The following CEP126 variants were observed in gnomAD, a reference collection of about 807,000 sequenced individuals.
The protein encoded by CEP126 is centrosomal protein of 126 kDa.
Under a neutral mutation model 107.8 loss-of-function variants are expected in CEP126, and 74 were observed. The observed-to-expected ratio is 0.69, with a 90% CI of 0.57 to 0.83. The LOEUF is 0.83. CEP126 is among the 40% of genes least tolerant of loss of function. The pLI, the probability that CEP126 is intolerant of heterozygous loss-of-function variation, is 0.00. For missense variants in CEP126, 1,237 were observed against 1,281.9 expected, an observed-to-expected ratio of 0.96 and a Z score of 0.53; for synonymous variants, 449 against 446.0, an observed-to-expected ratio of 1.01 and a Z score of -0.08.
At chr11:101,985,207 T>C (rs1243331299) in intron 8 of CEP126, among the ~76,000 whole-genome samples, 1 of 152,126 alleles carries the variant, frequency 6.6e-6, no homozygotes, top group East Asian at 1.9e-4. Context: ...CTTCATTTCA[T>C]GGACAAAATT....
intron 3 of CEP126, among the ~76,000 whole-genome samples, chr11:101,946,314 C>T (rs1940735530): frequency 6.6e-6 from 1 of 150,974 alleles, no homozygotes; most frequent in Non-Finnish European, 1.5e-5. Flanking sequence ...TCAAGACCAT[C>T]CTGGGCAACA....
In CEP126 at chr11:101,939,485, G is replaced by A. The variant is rs138149637; in HGVS notation, c.249-4780G>A. Among the ~76,000 whole-genome samples the A allele has an allele frequency of 2.6e-4, 39 of 152,184 alleles. No homozygotes were observed. The East Asian group carries it at 6.6e-3, about 26-fold the overall frequency. On this transcript the variant is annotated intron_variant, in intron 2 of 10. Coordinates refer to ENST00000263468, the MANE Select transcript of CEP126 (RefSeq NM_020802.4). Reference sequence around the variant, plus strand: ...TTTTCCATTCTTTTGCCTTCAGCCCGTGTATATTTGCAATTGGGTCTTACT... The same window carrying A: ...TTTTCCATTCTTTTGCCTTCAGCCCATGTATATTTGCAATTGGGTCTTACT...
At chr11:101,961,683 G>A (rs1273394599) in intron 5 of CEP126, 58 bp from the exon 6 acceptor site, 21 of 963,030 alleles carry the variant, frequency 2.2e-5, no homozygotes, top group East Asian at 1.0e-4. Flanking sequence ...ATGTTGAATC[G>A]TTAATCTTGG....
chr11:101,969,249 G>A (rs1285173703), intron 6 of CEP126, among the ~76,000 whole-genome samples: 4 of 152,076 alleles, frequency 2.6e-5, no homozygotes, highest in African/African-American at 4.8e-5. Context: ...TTGGCCTCCC[G>A]AGCTCAAGCG....
intron 2 of CEP126, among the ~76,000 whole-genome samples, chr11:101,938,267 G>A (rs1940619730): frequency 1.3e-5 from 2 of 150,756 alleles, no homozygotes; most frequent in South Asian, 2.1e-4. Context: ...AAGGCCTGAG[G>A]TATTTGTAGT....
intron 6 of CEP126, among the ~76,000 whole-genome samples, chr11:101,965,996 A>G (rs1239339734): frequency 6.6e-6 from 1 of 152,208 alleles, no homozygotes; most frequent in Non-Finnish European, 1.5e-5. Context: ...ACAAAAGGGT[A>G]ACATATTAAA....
At chr11:101,930,301 A>T (rs946055152) in intron 2 of CEP126, among the ~76,000 whole-genome samples, 1 of 152,180 alleles carries the variant, frequency 6.6e-6, no homozygotes, top group African/African-American at 2.4e-5. Context: ...ACATCCTCTC[A>T]TATGCTCTGA....
At chr11:101,927,856 A>C (rs1940435755) in intron 2 of CEP126, among the ~76,000 whole-genome samples, 1 of 152,220 alleles carries the variant, frequency 6.6e-6, no homozygotes, top group South Asian at 2.1e-4. Flanking sequence ...AAGTTGATAA[A>C]AACATTCACA....
rs189823056 is a variant in CEP126, at chr11:101,997,059, A to G, written c.3310-540A>G. On this transcript the variant is annotated intron_variant, in intron 10 of 10. Transcript: ENST00000263468. ...TTTTATTTATTTATTTATTTTTGAG[A>G]CGGAGTCTTGCTCTGTCACCCAGGC... 5.3e-4 allele frequency among the ~76,000 whole-genome samples: 81 copies of G among 152,302 alleles called. 1 individual carries two copies. The highest frequency in any genetic ancestry group is 3.4e-3 in the Middle Eastern group (1 of 294).
At chr11:101,937,809 A>C (rs1336729116) in intron 2 of CEP126, among the ~76,000 whole-genome samples, 1 of 152,044 alleles carries the variant, frequency 6.6e-6, no homozygotes, top group African/African-American at 2.4e-5. Context: ...AGAGGTTTTC[A>C]TATTTTATTT....
intron 5 of CEP126, among the ~76,000 whole-genome samples, chr11:101,961,269 A>G (rs1225059647): frequency 1.3e-5 from 2 of 152,108 alleles, no homozygotes; most frequent in Admixed American, 6.5e-5. Context: ...CACAAAATTA[A>G]GTTTTATAAA....
rs540459339 is a variant in CEP126 at position 101,922,618 on chromosome 11, TCTTAA to T, written c.129-17_129-13del. The T allele has an allele frequency of 8.9e-4, 1,408 of 1,581,512 alleles. 2 individuals are homozygous for T. The highest frequency in any genetic ancestry group is 1.0e-3 in the Non-Finnish European group (1,205 of 1,152,082). On this transcript the variant is annotated intron_variant, in intron 1 of 10. Transcript: ENST00000263468. The stretch of plus-strand genomic sequence containing the variant: ...ATCCACTAAAGATGTAGACCATTGT[TCTTAA>T]CTTAATGCTATCATTAGAGATATGA...
At chr11:101,973,829 T>G (rs924440740) in intron 6 of CEP126, among the ~76,000 whole-genome samples, 6 of 152,236 alleles carry the variant, frequency 3.9e-5, no homozygotes, top group African/African-American at 1.4e-4. Context: ...TTGAACATTT[T>G]ATATGTTTAT....
At chr11:101,961,592 G>A (rs928712699) in intron 5 of CEP126, 149 bp from the exon 6 acceptor site, 1 of 481,260 alleles carries the variant, frequency 2.1e-6, no homozygotes, top group Admixed American at 3.9e-5. Context: ...TTGCTGCAGG[G>A]ATAAGAATTA....
chr11:101,992,087 T>G (rs1037512581), intron 9 of CEP126, among the ~76,000 whole-genome samples: 1 of 152,114 alleles, frequency 6.6e-6, no homozygotes, highest in Non-Finnish European at 1.5e-5. Context: ...GACATTAGCT[T>G]TATAAGTATT....
chr11:101,974,618 T>A (rs1941172406), intron 6 of CEP126, among the ~76,000 whole-genome samples: 3 of 152,304 alleles, frequency 2.0e-5, no homozygotes, highest in Admixed American at 2.0e-4. Context: ...CAGATTTTTT[T>A]AAATATAATG....
chr11:101,915,053 C>A lies in CEP126; in HGVS notation c.-232C>A, dbSNP rs925988987. The A allele has an allele frequency of 2.0e-6, 1 of 505,752 alleles. No individual in the cohort carries two copies. The highest frequency in any genetic ancestry group is 3.2e-5 in the East Asian group (1 of 31,160). 31.3% of individuals were successfully genotyped at this position (505,752 alleles called of 1,614,324 possible). A position where few individuals can be genotyped will look rare whatever the true frequency, so the allele number is the denominator to read the frequency against. On this transcript the variant is annotated 5_prime_UTR_variant, in exon 1 of 11. Coordinates refer to ENST00000263468, the MANE Select transcript of CEP126 (RefSeq NM_020802.4). ...AAGATGGCGGCTGCAGGGTTGCTGC[C>A]GCCCCATCTGCTATTGCCCGGCGAG... is the stretch of plus-strand genomic sequence containing the variant.
rs187796241 is a variant in CEP126 at position 101,950,574 on chromosome 11, G to A, written c.506+2432G>A. ...ACACATGTAATACTGTATAATGGGGGTTGTTACAGAAATACTAGCAAAGTA... is the reference window on the plus strand; with the variant it reads ...ACACATGTAATACTGTATAATGGGGATTGTTACAGAAATACTAGCAAAGTA... On this transcript the variant is annotated intron_variant, in intron 4 of 10. Transcript: ENST00000263468. 4.6e-5 allele frequency among the ~76,000 whole-genome samples: 7 copies of A among 152,284 alleles called. No homozygotes were observed. In the East Asian group the frequency reaches 1.3e-3, roughly 29 times the overall value.
At chr11:101,996,937 G>C (rs1247854951) in intron 10 of CEP126, among the ~76,000 whole-genome samples, 1 of 151,920 alleles carries the variant, frequency 6.6e-6, no homozygotes, top group Non-Finnish European at 1.5e-5. Context: ...GAGTTTTATT[G>C]GTACCCAGAA....
Sources: allele counts gnomAD v4.1 joint callset (sites outside exome capture counted in the v4.1 genomes callset), GRCh38; gene constraint gnomAD v4.1.1; transcripts MANE v1.5; gene names NCBI Gene and HGNC (gene_info 2026-07-23, HGNC 2026-07-21).